DLGAP2: variants seen among roughly 807,000 people sequenced by gnomAD.
DLGAP2 encodes disks large-associated protein 2.
Under a neutral mutation model 100.3 loss-of-function variants are expected in DLGAP2, and 26 were observed. The observed-to-expected ratio is 0.26, with a 90% CI of 0.19 to 0.36. The LOEUF (loss-of-function observed/expected upper bound fraction) is 0.36. Among genes scored for constraint, DLGAP2 ranks in the 10% least tolerant of loss-of-function variants. The pLI is 1.00. For synonymous variants in DLGAP2, 886 were observed against 630.1 expected (o/e 1.41, Z -6.08); for missense variants, 1,858 against 1,453.2 (o/e 1.28, Z -4.53).
chr8:1,440,391 T>C (rs1313774359), intron 3 of DLGAP2, among the ~76,000 whole-genome samples: 2 of 152,176 alleles, frequency 1.3e-5, no homozygotes, highest in Non-Finnish European at 2.9e-5. Context: ...TGAATGTAAA[T>C]ATACAGGTGT....
At chr8:1,457,731 G>T (rs1382087626) in intron 3 of DLGAP2, among the ~76,000 whole-genome samples, 1 of 151,640 alleles carries the variant, frequency 6.6e-6, no homozygotes, top group Admixed American at 6.6e-5. Flanking sequence ...AAATATTGTA[G>T]CCCCACACAC....
intron 1 of DLGAP2, among the ~76,000 whole-genome samples, chr8:890,292 A>C (rs2128995381): frequency 6.6e-6 from 1 of 152,228 alleles, no homozygotes; most frequent in Non-Finnish European, 1.5e-5. Context: ...CGCATGGCAG[A>C]GCGTGGTTTG....
chr8:1,540,348 T>C lies in DLGAP2; in HGVS notation c.173-8278T>C, dbSNP rs369959578. On this transcript the variant is annotated intron_variant, in intron 4 of 14. Transcript: ENST00000637795. ...ACTGAAGGCTTTGGAGCAGGGGCTG[T>C]TTCACTCACTGTCTACCACGGTACC... Among the ~76,000 whole-genome samples, 5 of 152,340 alleles carry C rather than the reference T, an allele frequency of 3.3e-5. No homozygotes were observed. In the South Asian group the frequency reaches 6.2e-4, roughly 19 times the overall value.
At chr8:1,323,752 T>A (rs1044902741) in intron 3 of DLGAP2, among the ~76,000 whole-genome samples, 13 of 152,250 alleles carry the variant, frequency 8.5e-5, no homozygotes, top group African/African-American at 3.1e-4. Context: ...GGTCGCTGCC[T>A]GTGCCACCCA....
intron 2 of DLGAP2, among the ~76,000 whole-genome samples, chr8:1,139,128 G>A (rs372167093): frequency 5.3e-5 from 8 of 152,220 alleles, no homozygotes; most frequent in Non-Finnish European, 8.8e-5. Flanking sequence ...GCCTGCTGCC[G>A]GCCGCTGCGG....
intron 3 of DLGAP2, among the ~76,000 whole-genome samples, chr8:1,317,566 C>G (rs181855035): frequency 1.4e-5 from 2 of 138,904 alleles, no homozygotes; most frequent in African/African-American, 5.8e-5. Flanking sequence ...GGTCTACACT[C>G]GAGACACTCG....
chr8:994,096 G>A (rs528331726), intron 2 of DLGAP2, among the ~76,000 whole-genome samples: 83 of 152,264 alleles, frequency 5.5e-4, no homozygotes, highest in African/African-American at 1.4e-3. Flanking sequence ...TGGTGTTTTC[G>A]TATTAGAAAT....
At chr8:1,195,333 C>T (rs1030256014) in intron 2 of DLGAP2, among the ~76,000 whole-genome samples, 1 of 152,242 alleles carries the variant, frequency 6.6e-6, no homozygotes, top group Non-Finnish European at 1.5e-5. Context: ...GGGCTGTCTA[C>T]CAGGCATGGA....
At chr8:938,831 G>C (rs540529514) in intron 2 of DLGAP2, among the ~76,000 whole-genome samples, 3 of 152,322 alleles carry the variant, frequency 2.0e-5, no homozygotes, top group Non-Finnish European at 4.4e-5. Context: ...CATTGCCTCA[G>C]AGGCCAAGGA....
intron 2 of DLGAP2, among the ~76,000 whole-genome samples, chr8:1,029,704 T>G (rs1801921194): frequency 6.6e-6 from 1 of 152,100 alleles, no homozygotes; most frequent in African/African-American, 2.4e-5. Context: ...CGGGTGACCT[T>G]GACTGAGGAA....
In DLGAP2 at chr8:831,850, A is replaced by G. The variant is rs750093763; in HGVS notation, c.19-76062A>G. The stretch of plus-strand genomic sequence containing the variant: ...CCACCAACAGTGTAAAAGTGTTCCT[A>G]TTTCTCCACAGCCTCGCCCACATCT... On this transcript the variant is annotated intron_variant, in intron 1 of 14. Transcript: ENST00000637795. 5.7e-4 allele frequency among the ~76,000 whole-genome samples: 86 copies of G among 152,088 alleles called. 1 individual carries two copies. Among genetic ancestry groups the G allele is most frequent in the Admixed American group, 3.5e-3 (53 of 15,278 alleles).
At chr8:1,097,875 C>T in intron 2 of DLGAP2, among the ~76,000 whole-genome samples, 1 of 151,010 alleles carries the variant, frequency 6.6e-6, no homozygotes. Context: ...GGAGAGGTCC[C>T]CTCCAGTGTG....
chr8:1,104,595 T>G (rs1005535503), intron 2 of DLGAP2, among the ~76,000 whole-genome samples: 2 of 152,200 alleles, frequency 1.3e-5, no homozygotes, highest in Admixed American at 6.5e-5. Context: ...CCGAGGCGTT[T>G]GCTGACTCTG....
At chr8:1,211,182 T>A (rs777983824) in intron 2 of DLGAP2, among the ~76,000 whole-genome samples, 2 of 152,180 alleles carry the variant, frequency 1.3e-5, no homozygotes, top group African/African-American at 2.4e-5. Flanking sequence ...AGCACAACAT[T>A]CTCAGGGGCC....
At chr8:1,066,399 A>C (rs112390611) in intron 2 of DLGAP2, among the ~76,000 whole-genome samples, 1 of 148,696 alleles carries the variant, frequency 6.7e-6, no homozygotes, top group Non-Finnish European at 1.5e-5. Context: ...GGTCTGAGTG[A>C]GGACAGTTCC....
chr8:1,174,116 G>T (rs73184516), intron 2 of DLGAP2, among the ~76,000 whole-genome samples: 30,550 of 152,120 alleles, frequency 0.2, 3,917 homozygotes, highest in Non-Finnish European at 0.29. Context: ...AGGGCTCAGG[G>T]CTTAGGGGAG....
intron 2 of DLGAP2, among the ~76,000 whole-genome samples, chr8:1,010,514 A>T (rs1014279665): frequency 6.6e-6 from 1 of 152,246 alleles, no homozygotes; most frequent in Admixed American, 6.5e-5. Context: ...ATGGGCACAC[A>T]TACGCCCACA....
chr8:1,320,773 GC>G (rs1800877788), intron 3 of DLGAP2, among the ~76,000 whole-genome samples: 1 of 152,192 alleles, frequency 6.6e-6, no homozygotes, highest in Admixed American at 6.5e-5. Context: ...CCAAGCCATA[GC>G]CCCACAAGAA....
intron 2 of DLGAP2, among the ~76,000 whole-genome samples, chr8:1,107,340 C>T (rs978923747): frequency 6.6e-6 from 1 of 152,112 alleles, no homozygotes; most frequent in African/African-American, 2.4e-5. Flanking sequence ...TGGCACAGAC[C>T]CCTTGCTGTT....
Sources: gnomAD v4.1 joint callset for allele counts (sites outside exome capture counted in the v4.1 genomes callset) on GRCh38, gnomAD v4.1.1 for gene constraint, MANE v1.5 for transcripts, NCBI Gene and HGNC (gene_info 2026-07-23, HGNC 2026-07-21) for gene names.